Variants in KALRN observed in about 807,000 individuals in gnomAD.
KALRN encodes the protein kalirin.
In KALRN, 70 loss-of-function variants were observed where a neutral mutation model predicts 353.7. The ratio of observed to expected loss-of-function variants is 0.20; its 90% CI spans 0.16 to 0.24. The LOEUF is 0.24. KALRN is among the 10% of genes least tolerant of loss of function. The pLI is 1.00. For missense variants in KALRN, 2,791 were observed against 3,756.7 expected (o/e 0.74, Z 6.72); for synonymous variants, 1,391 against 1,434.8 (o/e 0.97, Z 0.69).
At chr3:124,458,880 GC>G (rs2059589591) in intron 23 of KALRN, among the ~76,000 whole-genome samples, 1 of 152,160 alleles carries the variant, frequency 6.6e-6, no homozygotes, top group South Asian at 2.1e-4. Flanking sequence ...GTTGCCATGA[GC>G]CAAAATTGCT....
intron 56 of KALRN, among the ~76,000 whole-genome samples, chr3:124,701,199 C>A (rs1300407934): frequency 2.6e-5 from 4 of 152,040 alleles, no homozygotes; most frequent in African/African-American, 9.7e-5. Flanking sequence ...GCTCTGTGTG[C>A]GTGTGTGTGT....
chr3:124,495,957 G>A (rs201412501), intron 32 of KALRN, among the ~76,000 whole-genome samples: 2,288 of 43,644 alleles, frequency 0.052, 257 homozygotes, highest in East Asian at 0.16. Context: ...GTGTGTATGT[G>A]TATGTATGTA....
intron 1 of KALRN, among the ~76,000 whole-genome samples, chr3:124,209,492 C>CAAAAA (rs5852396): frequency 5.7e-5 from 4 of 70,032 alleles, no homozygotes; most frequent in Non-Finnish European, 9.9e-5. Context: ...CACTCTGTCT[C>CAAAAA]AAAAAAAAAA....
chr3:124,087,518 C>T (rs2060887718), intron 1 of KALRN, among the ~76,000 whole-genome samples: 1 of 152,170 alleles, frequency 6.6e-6, no homozygotes, highest in Non-Finnish European at 1.5e-5. Context: ...AATCATGGGG[C>T]TTTACCTTGC....
intron 22 of KALRN, 52 bp downstream of exon 22, chr3:124,455,411 C>A: frequency 6.6e-7 from 1 of 1,508,184 alleles, no homozygotes; most frequent in Non-Finnish European, 9.1e-7. Flanking sequence ...TCTCCCTGAG[C>A]ACCACTGCCC....
intron 31 of KALRN, 39 bp downstream of exon 31, chr3:124,491,463 G>A: frequency 6.9e-7 from 1 of 1,457,856 alleles, no homozygotes; most frequent in Non-Finnish European, 9.3e-7. Context: ...CTAGGGTTGG[G>A]GATAATAGAA....
chr3:124,589,957 G>C (rs916040288), intron 34 of KALRN, among the ~76,000 whole-genome samples: 1 of 152,094 alleles, frequency 6.6e-6, no homozygotes, highest in Non-Finnish European at 1.5e-5. Context: ...ATGCTTTTGC[G>C]ATATGTCTCT....
At chr3:124,163,528 A>T in intron 1 of KALRN, 1 of 877,302 alleles carries the variant, frequency 1.1e-6, no homozygotes, top group African/African-American at 1.8e-5. Context: ...GCATTATGGC[A>T]TGCATTTCTT....
rs796628603 is a variant in KALRN at position 124,642,806 on chromosome 3, G to GTTGTTTTGTTGTTGTTGTTTTTTT, written c.5664+5505_5664+5506insGTTTTGTTGTTGTTGTTTTTTTTT. ...TCTGTGGAAGAGATTCCCAAGCCTC[G>GTTGTTTTGTTGTTGTTGTTTTTTT]TTTTTTTTTTTTTTTTTTTTGAGAC... On this transcript the variant is annotated intron_variant, in intron 37 of 59. Coordinates refer to ENST00000682506, the MANE Select transcript of KALRN (RefSeq NM_001388419.1). Among the ~76,000 whole-genome samples the GTTGTTTTGTTGTTGTTGTTTTTTT allele has an allele frequency of 8.3e-5, 8 of 96,838 alleles. No homozygotes were observed. The East Asian group carries it at 1.9e-3, about 23-fold the overall frequency. The allele number at this position is 96,838 out of a possible 152,430, so 63.5% of individuals were successfully genotyped here.
intron 37 of KALRN, among the ~76,000 whole-genome samples, chr3:124,642,546 T>C (rs1464010742): frequency 6.6e-6 from 1 of 152,136 alleles, no homozygotes; most frequent in Non-Finnish European, 1.5e-5. Flanking sequence ...GGTTCTCCTA[T>C]TTTGACAGCA....
At chr3:124,059,158 C>T (rs1660441651) in intron 1 of KALRN, among the ~76,000 whole-genome samples, 1 of 152,226 alleles carries the variant, frequency 6.6e-6, no homozygotes, top group Non-Finnish European at 1.5e-5. Context: ...TTACGTGAAA[C>T]AGAATACTTA....
At chr3:124,159,625 C>T (rs1190870037) in intron 1 of KALRN, among the ~76,000 whole-genome samples, 1 of 148,948 alleles carries the variant, frequency 6.7e-6, no homozygotes, top group African/African-American at 2.5e-5. Context: ...TAACTGGTTA[C>T]ATTTTGCCTT....
At chr3:124,683,727 C>T (rs980688551) in intron 51 of KALRN, among the ~76,000 whole-genome samples, 2 of 152,140 alleles carry the variant, frequency 1.3e-5, no homozygotes, top group African/African-American at 2.4e-5. Context: ...TAAGTGCAGA[C>T]GTTATCCTCA....
At position 124,496,012 on chromosome 3, in the gene KALRN, T is replaced by TATAC. The variant is rs1345047394; in HGVS notation, c.4833-298_4833-297insTACA. Reference sequence around the variant, plus strand: ...ATATATATATATATATATATATATATACACACACATATATACATACATACA... The same window carrying TATAC: ...ATATATATATATATATATATATATATATACACACACACATATATACATACATACA... On this transcript the variant is annotated intron_variant, in intron 32 of 59. Transcript: ENST00000682506. Among the ~76,000 whole-genome samples, 92 of 43,618 alleles carry TATAC rather than the reference T, an allele frequency of 2.1e-3. 1 individual carries two copies. The highest frequency in any genetic ancestry group is 3.5e-3 in the South Asian group (4 of 1,130). The allele number at this position is 43,618 out of a possible 152,430, so 28.6% of individuals were successfully genotyped here. A position where few individuals can be genotyped will look rare whatever the true frequency, so the allele number is the denominator to read the frequency against.
chr3:124,154,991 A>G (rs908064363), intron 1 of KALRN, among the ~76,000 whole-genome samples: 1 of 152,242 alleles, frequency 6.6e-6, no homozygotes, highest in Admixed American at 6.5e-5. Flanking sequence ...CAAACTTGAG[A>G]AAAACAAGCA....
chr3:124,070,541 T>A (rs145149545), intron 1 of KALRN, among the ~76,000 whole-genome samples: 89 of 152,300 alleles, frequency 5.8e-4, no homozygotes, highest in African/African-American at 2.0e-3. Flanking sequence ...CCATCTCTGA[T>A]CTCCCTGAAC....
At chr3:124,286,083 CT>C (rs1248834663) in intron 5 of KALRN, among the ~76,000 whole-genome samples, 713 of 52,864 alleles carry the variant, frequency 0.013, 9 homozygotes, top group African/African-American at 0.048. Context: ...TCTTTCCTTC[CT>C]TTCTTTCTTT....
rs989639424 is a variant in KALRN at position 124,372,615 on chromosome 3, AT to A, written c.1771-12223del. 5.0e-3 allele frequency among the ~76,000 whole-genome samples: 132 copies of A among 26,252 alleles called. 1 individual carries two copies. The highest frequency in any genetic ancestry group is 0.05 in the East Asian group (4 of 80). 17.2% of individuals were successfully genotyped at this position (26,252 alleles called of 152,430 possible). A position where few individuals can be genotyped will look rare whatever the true frequency, so the allele number is the denominator to read the frequency against. On this transcript the variant is annotated intron_variant, in intron 10 of 59. Coordinates refer to ENST00000682506, the MANE Select transcript of KALRN (RefSeq NM_001388419.1). The stretch of plus-strand genomic sequence containing the variant: ...TACATTAAGAACTTTTTTATTATTT[AT>A]TTTTTTATTTATTATTTATTTTTCA...
chr3:124,421,537 C>A (rs1055539121), intron 14 of KALRN, among the ~76,000 whole-genome samples: 1 of 152,172 alleles, frequency 6.6e-6, no homozygotes, highest in African/African-American at 2.4e-5. Flanking sequence ...TATGTAAATT[C>A]ATATTTTACA....
Sources: allele counts gnomAD v4.1 joint callset (sites outside exome capture counted in the v4.1 genomes callset), GRCh38; gene constraint gnomAD v4.1.1; transcripts MANE v1.5; gene names NCBI Gene and HGNC (gene_info 2026-07-23, HGNC 2026-07-21).